Variants in MED11 observed in about 807,000 individuals in gnomAD.
MED11 encodes mediator of RNA polymerase II transcription subunit 11.
MED11 carries 19 observed loss-of-function variants against 13.9 expected under a neutral mutation model. The ratio of observed to expected loss-of-function variants is 1.36; its 90% CI spans 0.95 to 2.00. The LOEUF (loss-of-function observed/expected upper bound fraction) is 2.00. MED11 is among the 30% of genes most tolerant of loss of function. The pLI, the probability that MED11 is intolerant of heterozygous loss-of-function variation, is 0.00. For synonymous variants in MED11, 67 were observed against 62.1 expected, an observed-to-expected ratio of 1.08 and a Z score of -0.37; for missense variants, 134 against 150.2, an observed-to-expected ratio of 0.89 and a Z score of 0.56.
At position 4,733,110 on chromosome 17, in the gene MED11, G is replaced by A. The variant is rs376931968; in HGVS notation, c.277G>A (p.Ala93Thr). The change falls in exon 3 of 3, where the codon GCT becomes ACT. Residue 93 changes from alanine to threonine, a missense_variant. Ala to Thr is a moderately conservative substitution (Grantham distance 58). Transcript: ENST00000293777. ...SYSSRKDCQM[A>T]LKRVDYARLK... ...CTCTTCGAGGAAGGACTGTCAGATGGCTCTGAAGCGAGTGGACTATGCCCG... is the reference window on the plus strand; with the variant it reads ...CTCTTCGAGGAAGGACTGTCAGATGACTCTGAAGCGAGTGGACTATGCCCG... 88 of 1,614,052 alleles carry A rather than the reference G, an allele frequency of 5.5e-5. No individual in the cohort carries two copies. The highest frequency in any genetic ancestry group is 7.4e-5 in the Non-Finnish European group (87 of 1,180,040).
At position 4,731,471 on chromosome 17, in the gene MED11, G is replaced by C; in HGVS notation, c.-19G>C. On this transcript the variant is annotated 5_prime_UTR_variant, in exon 1 of 3. Coordinates refer to ENST00000293777, the MANE Select transcript of MED11 (RefSeq NM_001001683.4). The stretch of plus-strand genomic sequence containing the variant: ...GCGTTTCTGAGGAGAAACTCTTGGT[G>C]AGAATTCCCAGAGTGATAATGGCTA... 2 of 1,612,662 alleles carry C rather than the reference G, an allele frequency of 1.2e-6. No homozygotes were observed. The highest frequency in any genetic ancestry group is 1.7e-5 in the Admixed American group (1 of 60,006).
chr17:4,733,402 A>G lies in MED11; in HGVS notation c.*215A>G, dbSNP rs1916051597. On this transcript the variant is annotated 3_prime_UTR_variant, in exon 3 of 3. Coordinates refer to ENST00000293777, the MANE Select transcript of MED11 (RefSeq NM_001001683.4). ...CTCCAGCAGGGTGCTCCTGCTCTGC[A>G]CTCCAGAAACACCCTGACAGGCTCA... The G allele has an allele frequency of 3.8e-6, 2 of 523,644 alleles. No homozygotes were observed. The highest frequency in any genetic ancestry group is 7.0e-5 in the Admixed American group (2 of 28,634). The allele number at this position is 523,644 out of a possible 1,614,324, so 32.4% of individuals were successfully genotyped here.
chr17:4,731,879 G>A lies in MED11; in HGVS notation c.189G>A (p.Leu63=). 1 of 1,614,098 alleles carries A rather than the reference G, an allele frequency of 6.2e-7. No individual in the cohort carries two copies. Among genetic ancestry groups the A allele is most frequent in the Non-Finnish European group, 8.5e-7 (1 of 1,180,024 alleles). ...TASVQHVEAE[L]SAQIRYLTQV... Reference sequence around the variant, plus strand: ...CAGTGCAACACGTGGAGGCGGAGCTGTCAGCTCAGATCCGCTACCTCACCC... The same window carrying A: ...CAGTGCAACACGTGGAGGCGGAGCTATCAGCTCAGATCCGCTACCTCACCC... The change falls in exon 2 of 3, where the codon CTG becomes CTA. Residue 63 remains leucine (L), a synonymous_variant. Coordinates refer to ENST00000293777, the MANE Select transcript of MED11 (RefSeq NM_001001683.4).
Position 4,731,792 on chromosome 17 carries a change from AT to A in MED11, c.104del (p.Leu35CysfsTer11). Reference sequence around the variant, plus strand: ...CCCTGGCAGGTACTGTGATCCTAGAATTGTCCAAGGAAAAAACTAACGAGCG... The same window carrying A: ...CCCTGGCAGGTACTGTGATCCTAGAATGTCCAAGGAAAAAACTAACGAGCG... ...LQNAGTVILE[L>X]SKEKTNERLL... On this transcript the variant is annotated frameshift_variant, in exon 2 of 3. Coordinates refer to ENST00000293777, the MANE Select transcript of MED11 (RefSeq NM_001001683.4). LOFTEE classifies it high-confidence loss of function. 6.2e-7 allele frequency: 1 copy of A among 1,614,124 alleles called. No homozygotes were observed. Among genetic ancestry groups the A allele is most frequent in the Non-Finnish European group, 8.5e-7 (1 of 1,180,010 alleles).
Position 4,731,464 on chromosome 17 carries a change from T to C in MED11, c.-26T>C, listed in dbSNP as rs376624724. The C allele has an allele frequency of 1.4e-5, 23 of 1,610,532 alleles. 1 individual carries two copies. The African/African-American group carries it at 2.0e-4, about 14-fold the overall frequency. On this transcript the variant is annotated 5_prime_UTR_variant, in exon 1 of 3. Transcript: ENST00000293777. Reference sequence around the variant, plus strand: ...AAGCGTCGCGTTTCTGAGGAGAAACTCTTGGTGAGAATTCCCAGAGTGATA... The same window carrying C: ...AAGCGTCGCGTTTCTGAGGAGAAACCCTTGGTGAGAATTCCCAGAGTGATA...
chr17:4,731,430 T>A lies in MED11; in HGVS notation c.-60T>A, dbSNP rs1338882076. 1 of 1,569,366 alleles carries A rather than the reference T, an allele frequency of 6.4e-7. No homozygotes were observed. Among genetic ancestry groups the A allele is most frequent in the Admixed American group, 1.7e-5 (1 of 59,348 alleles). Reference sequence around the variant, plus strand: ...TGCGCAGGCGCACACCGAGAGCCACTTCCGGAACAAGCGTCGCGTTTCTGA... The same window carrying A: ...TGCGCAGGCGCACACCGAGAGCCACATCCGGAACAAGCGTCGCGTTTCTGA... On this transcript the variant is annotated 5_prime_UTR_variant, in exon 1 of 3. Coordinates refer to ENST00000293777, the MANE Select transcript of MED11 (RefSeq NM_001001683.4).
At position 4,731,434 on chromosome 17, in the gene MED11, G is replaced by A; in HGVS notation, c.-56G>A. 3.8e-6 allele frequency: 6 copies of A among 1,576,728 alleles called. No individual in the cohort carries two copies. The highest frequency in any genetic ancestry group is 1.7e-5 in the Admixed American group (1 of 59,384). ...CAGGCGCACACCGAGAGCCACTTCC[G>A]GAACAAGCGTCGCGTTTCTGAGGAG... is the stretch of plus-strand genomic sequence containing the variant. On this transcript the variant is annotated 5_prime_UTR_variant, in exon 1 of 3. Transcript: ENST00000293777.
At chr17:4,732,040 C>G (rs956990128) in intron 2 of MED11, 134 bp downstream of exon 2, 11 of 1,115,256 alleles carry the variant, frequency 9.9e-6, no homozygotes. Flanking sequence ...GGGTTTCTTC[C>G]TCTAAAAGGA....
rs1307590680 is a variant in MED11, at chr17:4,733,579, A to C, written c.*392A>C. Reference sequence around the variant, plus strand: ...CTAGAGTTTTAATGATAATAAAAGCAATAATAATAAAAGCAATAACAATAA... The same window carrying C: ...CTAGAGTTTTAATGATAATAAAAGCCATAATAATAAAAGCAATAACAATAA... On this transcript the variant is annotated 3_prime_UTR_variant, in exon 3 of 3. Transcript: ENST00000293777. 1 of 167,984 alleles carries C rather than the reference A, an allele frequency of 6.0e-6. No homozygotes were observed. The highest frequency in any genetic ancestry group is 1.3e-5 in the Non-Finnish European group (1 of 77,620). The allele number at this position is 167,984 out of a possible 1,614,324, so 10.4% of individuals were successfully genotyped here. A position where few individuals can be genotyped will look rare whatever the true frequency, so the allele number is the denominator to read the frequency against.
chr17:4,731,939 C>T (rs372453653), intron 2 of MED11, 33 bp downstream of exon 2: 1 of 1,604,236 alleles, frequency 6.2e-7, no homozygotes, highest in Admixed American at 1.7e-5. Context: ...GCGAGCGAAC[C>T]CCAGCTCTGG....
rs1260588810 is a variant in MED11, at chr17:4,731,830, G to C, written c.140G>C (p.Arg47Pro). The change falls in exon 2 of 3, where the codon CGG becomes CCG. Residue 47 changes from arginine (R) to proline (P), a missense_variant. Transcript: ENST00000293777. Reference sequence around the variant, plus strand: ...AAAACTAACGAGCGGCTCCTAGACCGGCAGGCGGCGGCCTTCACCGCTTCA... The same window carrying C: ...AAAACTAACGAGCGGCTCCTAGACCCGCAGGCGGCGGCCTTCACCGCTTCA... ...KEKTNERLLD[R>P]QAAAFTASVQ... The C allele has an allele frequency of 1.2e-6, 2 of 1,614,110 alleles. No individual in the cohort carries two copies. The highest frequency in any genetic ancestry group is 2.2e-5 in the East Asian group (1 of 44,884).
intron 1 of MED11, 33 bp from the exon 2 acceptor site, chr17:4,731,743 C>T (rs745599576): frequency 6.2e-7 from 1 of 1,610,434 alleles, no homozygotes; most frequent in Non-Finnish European, 8.5e-7. Flanking sequence ...CTGGCAGTCT[C>T]CGTGTGTCCC....
At chr17:4,732,070 T>C (rs1915997467) in intron 2 of MED11, 164 bp downstream of exon 2, 1 of 783,190 alleles carries the variant, frequency 1.3e-6, no homozygotes, top group African/African-American at 1.8e-5. Flanking sequence ...CCGGGCGCAG[T>C]GGCTTGACAG....
chr17:4,732,976 A>C, intron 2 of MED11, 74 bp from the exon 3 acceptor site: 2 of 1,533,182 alleles, frequency 1.3e-6, no homozygotes, highest in Non-Finnish European at 1.8e-6. Context: ...TCAGGGAAGA[A>C]ATGAGACGAG....
chr17:4,731,631 G>C (rs1915978936), intron 1 of MED11, 57 bp downstream of exon 1: 1 of 1,611,012 alleles, frequency 6.2e-7, no homozygotes, highest in African/African-American at 1.3e-5. Context: ...GGCTGCACTG[G>C]CAGCCTGACC....
Position 4,731,496 on chromosome 17 carries a change from A to T in MED11, c.7A>T (p.Thr3Ser). The T allele has an allele frequency of 6.2e-7, 1 of 1,613,990 alleles. No homozygotes were observed. The highest frequency in any genetic ancestry group is 8.5e-7 in the Non-Finnish European group (1 of 1,179,972). The change falls in exon 1 of 3, where the codon ACC becomes TCC. Residue 3 changes from threonine (T) to serine (S), a missense_variant. Physicochemically the swap from Thr to Ser is moderately conservative, Grantham distance 58. Transcript: ENST00000293777. The stretch of plus-strand genomic sequence containing the variant: ...GAGAATTCCCAGAGTGATAATGGCT[A>T]CCTACAGCCTGGCGAACGAGAGACT... MA[T>S]YSLANERLRA...
chr17:4,733,122 G>C lies in MED11; in HGVS notation c.289G>C (p.Val97Leu), dbSNP rs1298286579. ...GGACTGTCAGATGGCTCTGAAGCGA[G>C]TGGACTATGCCCGCCTCAAGCTCAG... ...RKDCQMALKR[V>L]DYARLKLSDV... is the part of the protein sequence containing the mutation. The change falls in exon 3 of 3, where the codon GTG becomes CTG. Residue 97 changes from valine (V) to leucine (L), a missense_variant. Coordinates refer to ENST00000293777, the MANE Select transcript of MED11 (RefSeq NM_001001683.4). The C allele has an allele frequency of 6.2e-7, 1 of 1,614,090 alleles. No individual in the cohort carries two copies. Among genetic ancestry groups the C allele is most frequent in the Non-Finnish European group, 8.5e-7 (1 of 1,180,034 alleles).
chr17:4,732,628 C>A (rs1431864803), intron 2 of MED11, among the ~76,000 whole-genome samples: 1 of 151,928 alleles, frequency 6.6e-6, no homozygotes, highest in Non-Finnish European at 1.5e-5. Context: ...GGTGGCCCTG[C>A]ATACCTCACT....
intron 2 of MED11, 136 bp downstream of exon 2, chr17:4,732,042 C>G: frequency 9.1e-7 from 1 of 1,102,344 alleles, no homozygotes; most frequent in Middle Eastern, 3.1e-4. Context: ...GTTTCTTCCT[C>G]TAAAAGGAAA....
Sources: allele counts gnomAD v4.1 joint callset (sites outside exome capture counted in the v4.1 genomes callset), GRCh38; gene constraint gnomAD v4.1.1; transcripts MANE v1.5; gene names NCBI Gene and HGNC (gene_info 2026-07-23, HGNC 2026-07-21).